The following FRAS1 variants were observed in gnomAD, a reference collection of about 807,000 sequenced individuals.
The protein encoded by FRAS1 is Fraser extracellular matrix complex subunit 1, also known as extracellular matrix organizing protein FRAS1.
A neutral mutation model predicts 435.2 loss-of-function variants in FRAS1; 290 were observed. The ratio of observed to expected loss-of-function variants is 0.67; its 90% CI spans 0.61 to 0.73. The LOEUF (loss-of-function observed/expected upper bound fraction) is 0.73. FRAS1 is among the 30% of genes least tolerant of loss of function. The pLI is 0.00. For synonymous variants in FRAS1, 1,800 were observed against 1,851.0 expected (o/e 0.97, Z 0.71); for missense variants, 4,860 against 5,001.5 (o/e 0.97, Z 0.85).
chr4:78,127,741 TA>T (rs1417433644), intron 2 of FRAS1, among the ~76,000 whole-genome samples: 5 of 152,084 alleles, frequency 3.3e-5, no homozygotes, highest in Admixed American at 1.3e-4. Flanking sequence ...TTTATTTATT[TA>T]TTTTTTTAAT....
At chr4:78,209,400 G>T (rs1723409506) in intron 2 of FRAS1, among the ~76,000 whole-genome samples, 1 of 152,124 alleles carries the variant, frequency 6.6e-6, no homozygotes, top group South Asian at 2.1e-4. Context: ...CTAGGGGGTG[G>T]CAGGAGAATG....
intron 2 of FRAS1, among the ~76,000 whole-genome samples, chr4:78,235,545 T>C (rs1270409782): frequency 6.6e-6 from 1 of 152,226 alleles, no homozygotes; most frequent in Non-Finnish European, 1.5e-5. Context: ...TTAGGAACTA[T>C]GAACTCTTGC....
At chr4:78,374,002 A>G (rs7687731) in intron 24 of FRAS1, 109 bp from the exon 25 acceptor site, 152,943 of 1,032,278 alleles carry the variant, frequency 0.15, 16,317 homozygotes, top group African/African-American at 0.47. Context: ...TCCTTTGCCC[A>G]GTACACTAGG....
At chr4:78,517,981 G>A (rs938676443) in intron 66 of FRAS1, among the ~76,000 whole-genome samples, 3 of 152,138 alleles carry the variant, frequency 2.0e-5, no homozygotes, top group East Asian at 3.9e-4. Context: ...GCTGGGAACA[G>A]TGGCTCATAC....
At chr4:78,070,950 AG>A (rs987346089) in intron 2 of FRAS1, 10 of 152,294 alleles carry the variant, frequency 6.6e-5, no homozygotes, top group African/African-American at 2.4e-4. Flanking sequence ...TGCTCAATAA[AG>A]GTTGGCTGCT....
chr4:78,454,089 C>T (rs376065157), intron 47 of FRAS1, among the ~76,000 whole-genome samples: 11 of 151,434 alleles, frequency 7.3e-5, no homozygotes, highest in African/African-American at 2.7e-4. Context: ...AGAGAGCAAG[C>T]AGGTGAGGGA....
chr4:78,316,176 AC>A (rs1729237639), intron 16 of FRAS1, among the ~76,000 whole-genome samples: 1 of 152,206 alleles, frequency 6.6e-6, no homozygotes, highest in Admixed American at 6.5e-5. Context: ...TCTACTGGAA[AC>A]TTGTTTTTGT....
intron 20 of FRAS1, among the ~76,000 whole-genome samples, chr4:78,347,220 C>T (rs758498417): frequency 4.6e-5 from 7 of 152,186 alleles, no homozygotes; most frequent in Non-Finnish European, 7.3e-5. Flanking sequence ...TTGACAACCC[C>T]TCTTCCATAT....
chr4:78,282,536 C>T (rs1050500573), intron 11 of FRAS1, among the ~76,000 whole-genome samples: 1 of 152,206 alleles, frequency 6.6e-6, no homozygotes, highest in African/African-American at 2.4e-5. Context: ...TTTACATATT[C>T]TGTTAGTCCT....
intron 65 of FRAS1, among the ~76,000 whole-genome samples, 182 bp from the exon 66 acceptor site, chr4:78,515,617 A>G (rs1408043926): frequency 6.6e-6 from 1 of 152,182 alleles, no homozygotes; most frequent in African/African-American, 2.4e-5. Flanking sequence ...AACAGCAGTT[A>G]GCAAGCGCTT....
At chr4:78,111,667 G>T (rs550163050) in intron 2 of FRAS1, among the ~76,000 whole-genome samples, 116 of 121,988 alleles carry the variant, frequency 9.5e-4, no homozygotes, top group African/African-American at 3.5e-3. Flanking sequence ...ACACATTAGT[G>T]GGTGCAGCGC....
chr4:78,093,721 A>G (rs749731865), intron 2 of FRAS1, among the ~76,000 whole-genome samples: 11 of 152,228 alleles, frequency 7.2e-5, no homozygotes, highest in Non-Finnish European at 1.5e-4. Flanking sequence ...CTGAAGATAC[A>G]AAGCCAGTGA....
At chr4:78,373,017 C>T (rs750476201) in intron 24 of FRAS1, among the ~76,000 whole-genome samples, 159 bp downstream of exon 24, 5 of 152,102 alleles carry the variant, frequency 3.3e-5, no homozygotes, top group Non-Finnish European at 5.9e-5. Context: ...TGAAAATTTC[C>T]CCTTTTCATC....
intron 41 of FRAS1, among the ~76,000 whole-genome samples, chr4:78,442,970 C>A (rs1322543676): frequency 1.3e-5 from 2 of 152,166 alleles, no homozygotes; most frequent in Non-Finnish European, 2.9e-5. Context: ...ATAATTGTCA[C>A]AAGGTATATT....
intron 2 of FRAS1, among the ~76,000 whole-genome samples, chr4:78,202,931 C>A (rs1723102340): frequency 6.6e-6 from 1 of 152,176 alleles, no homozygotes; most frequent in African/African-American, 2.4e-5. Flanking sequence ...ACATCTCCCC[C>A]TCTTCTGACT....
At chr4:78,313,192 G>A (rs1001388537) in intron 15 of FRAS1, among the ~76,000 whole-genome samples, 1 of 152,148 alleles carries the variant, frequency 6.6e-6, no homozygotes, top group Non-Finnish European at 1.5e-5. Flanking sequence ...GTGGCATGTG[G>A]GAGGGAAGAA....
chr4:78,256,515 A>T (rs1285904310), intron 6 of FRAS1, among the ~76,000 whole-genome samples: 3 of 152,214 alleles, frequency 2.0e-5, no homozygotes, highest in Admixed American at 6.5e-5. Flanking sequence ...GGAAGGAGGA[A>T]TGGAAAGAAG....
At chr4:78,367,232 C>T (rs4859929) in intron 22 of FRAS1, among the ~76,000 whole-genome samples, 25,454 of 151,804 alleles carry the variant, frequency 0.17, 2,728 homozygotes, top group East Asian at 0.34. Context: ...AAGTGAGATC[C>T]TGTCTCTAGA....
At chr4:78,186,531 C>T (rs1190686625) in intron 2 of FRAS1, among the ~76,000 whole-genome samples, 15 of 152,064 alleles carry the variant, frequency 9.9e-5, no homozygotes, top group Admixed American at 9.8e-4. Flanking sequence ...GGATTCTCAC[C>T]CCATTGTTTT....
Sources: gnomAD v4.1 joint callset for allele counts (sites outside exome capture counted in the v4.1 genomes callset) on GRCh38, gnomAD v4.1.1 for gene constraint, MANE v1.5 for transcripts, NCBI Gene and HGNC (gene_info 2026-07-23, HGNC 2026-07-21) for gene names.